Variants in USP34 observed in about 807,000 individuals in gnomAD.
The protein encoded by USP34 is ubiquitin carboxyl-terminal hydrolase 34.
In USP34, 70 loss-of-function variants were observed where a neutral mutation model predicts 460.3. The observed-to-expected ratio is 0.15, with a 90% CI of 0.13 to 0.19. The LOEUF is 0.19. USP34 is among the 10% of genes least tolerant of loss of function. The pLI, the probability that USP34 is intolerant of heterozygous loss-of-function variation, is 1.00. For synonymous variants in USP34, 1,647 were observed against 1,405.3 expected (o/e 1.17, Z -3.85); for missense variants, 3,985 against 4,236.2 (o/e 0.94, Z 1.65).
At chr2:61,276,808 G>A (rs1374698377) in intron 41 of USP34, among the ~76,000 whole-genome samples, 5 of 152,174 alleles carry the variant, frequency 3.3e-5, no homozygotes, top group African/African-American at 1.2e-4. Context: ...ATTAGGGGAA[G>A]TAGCAAAGAT....
chr2:61,243,033 A>G (rs1239050460), intron 51 of USP34, among the ~76,000 whole-genome samples: 1 of 151,914 alleles, frequency 6.6e-6, no homozygotes, highest in Non-Finnish European at 1.5e-5. Flanking sequence ...TTTAGTAGAC[A>G]TGGGGTTTCA....
chr2:61,377,695 CTATGGGA>C (rs1312452988), intron 8 of USP34, among the ~76,000 whole-genome samples: 1 of 152,164 alleles, frequency 6.6e-6, no homozygotes, highest in Non-Finnish European at 1.5e-5. Context: ...GCCTCCAGAA[CTATGGGA>C]AATAAATTTC....
In USP34 at chr2:61,295,097, G is replaced by C. The variant is rs576672545; in HGVS notation, c.4378-65C>G. The stretch of plus-strand genomic sequence containing the variant: ...GAAAGAATTATTATAGAATGGAAAA[G>C]ACAATACATTATAGAATTTTGCTCC... On this transcript the variant is annotated intron_variant, in intron 31 of 79. Transcript: ENST00000398571. 3 of 1,598,540 alleles carry C rather than the reference G, an allele frequency of 1.9e-6. No individual in the cohort carries two copies. In the African/African-American group the frequency reaches 4.1e-5, roughly 22 times the overall value.
Position 61,302,746 on chromosome 2 carries a change from T to A in USP34, c.3818-1292A>T, listed in dbSNP as rs534309284. ...AATTATGGTTTAATGTTTATACAGC[T>A]AGTACGGAAGTTCAACTTTCTATTA... On this transcript the variant is annotated intron_variant, in intron 27 of 79. Transcript: ENST00000398571. Among the ~76,000 whole-genome samples the A allele has an allele frequency of 7.9e-5, 12 of 152,362 alleles. No individual in the cohort carries two copies. The South Asian group carries it at 2.5e-3, about 32-fold the overall frequency.
intron 72 of USP34, among the ~76,000 whole-genome samples, 153 bp downstream of exon 72, chr2:61,205,864 T>C (rs562926550): frequency 1.3e-5 from 2 of 152,274 alleles, no homozygotes; most frequent in African/African-American, 4.8e-5. Context: ...GTTAAGAAAT[T>C]TTCTTTATTT....
chr2:61,235,817 T>C (rs751904001), intron 57 of USP34, 28 bp downstream of exon 57: 1 of 1,600,788 alleles, frequency 6.2e-7, no homozygotes. Flanking sequence ...TCTTAAACTA[T>C]GCATTAGTTG....
rs747443399 is a variant in USP34 at position 61,348,061 on chromosome 2, A to T, written c.2094T>A (p.Ser698=). ...RMRMLDACSH[S]EDPEHDISGE... is the part of the protein sequence containing the mutation. ...CTGAAATATCATGTTCTGGGTCTTCAGAGTGTGAACAAGCATCCAGCATTC... is the reference window on the plus strand; with the variant it reads ...CTGAAATATCATGTTCTGGGTCTTCTGAGTGTGAACAAGCATCCAGCATTC... Residue 698 remains serine (S), a synonymous_variant, in exon 15 of 80, where the codon TCT becomes TCA. Transcript: ENST00000398571. 3.7e-6 allele frequency: 6 copies of T among 1,614,076 alleles called. No homozygotes were observed. Among genetic ancestry groups the T allele is most frequent in the Non-Finnish European group, 5.1e-6 (6 of 1,180,038 alleles).
chr2:61,344,528 A>G (rs1470080392), intron 15 of USP34, among the ~76,000 whole-genome samples: 1 of 152,250 alleles, frequency 6.6e-6, no homozygotes, highest in Non-Finnish European at 1.5e-5. Context: ...ATGATTTAAA[A>G]AATCGAAAAA....
intron 41 of USP34, 86 bp downstream of exon 41, chr2:61,278,079 C>A: frequency 6.7e-7 from 1 of 1,482,606 alleles, no homozygotes; most frequent in Non-Finnish European, 9.2e-7. Flanking sequence ...CCTTTATGAG[C>A]AGTGTAAAAA....
At chr2:61,226,247 T>C (rs1210726457) in intron 62 of USP34, among the ~76,000 whole-genome samples, 3 of 152,202 alleles carry the variant, frequency 2.0e-5, no homozygotes, top group Admixed American at 6.5e-5. Context: ...AAAAGGCAAA[T>C]TGTTGCCTTG....
intron 10 of USP34, among the ~76,000 whole-genome samples, chr2:61,356,835 A>G (rs930692770): frequency 3.3e-5 from 5 of 152,216 alleles, no homozygotes; most frequent in African/African-American, 1.2e-4. Flanking sequence ...CTACACACTT[A>G]AAAATGATTA....
chr2:61,302,588 G>C (rs186628089), intron 27 of USP34, among the ~76,000 whole-genome samples: 127 of 152,186 alleles, frequency 8.3e-4, no homozygotes, highest in Non-Finnish European at 5.1e-4. Flanking sequence ...TGTTAACACA[G>C]ATACAACATT....
intron 58 of USP34, among the ~76,000 whole-genome samples, chr2:61,229,879 A>T (rs1687840633): frequency 2.0e-5 from 3 of 152,214 alleles, no homozygotes; most frequent in Admixed American, 1.3e-4. Flanking sequence ...AATACAGATG[A>T]TCAAAAACAA....
intron 3 of USP34, among the ~76,000 whole-genome samples, chr2:61,405,183 A>T (rs1262345437): frequency 7.1e-6 from 1 of 141,702 alleles, no homozygotes; most frequent in East Asian, 2.2e-4. Context: ...CAGTGAACCG[A>T]GATCACACCA....
At chr2:61,338,580 T>C (rs1558537042) in intron 18 of USP34, among the ~76,000 whole-genome samples, 1 of 152,194 alleles carries the variant, frequency 6.6e-6, no homozygotes, top group Admixed American at 6.5e-5. Context: ...GAAAACAATA[T>C]ATTAATAACT....
chr2:61,451,270 A>G (rs1412524299), intron 1 of USP34, among the ~76,000 whole-genome samples: 1 of 150,600 alleles, frequency 6.6e-6, no homozygotes, highest in Non-Finnish European at 1.5e-5. Context: ...TTCACAACCT[A>G]TTTGGTTTAA....
At chr2:61,196,717 G>A (rs1397086788) in intron 75 of USP34, among the ~76,000 whole-genome samples, 2 of 151,980 alleles carry the variant, frequency 1.3e-5, no homozygotes, top group African/African-American at 4.8e-5. Flanking sequence ...ATTTTTTGTA[G>A]AGACAGGGTT....
intron 79 of USP34, 66 bp from the exon 80 acceptor site, chr2:61,188,775 G>A (rs914832563): frequency 1.9e-6 from 3 of 1,572,370 alleles, no homozygotes; most frequent in African/African-American, 2.7e-5. Context: ...AGGGGGGGAT[G>A]TGGGAAGTTA....
At chr2:61,436,036 T>C (rs1210668039) in intron 1 of USP34, among the ~76,000 whole-genome samples, 1 of 151,588 alleles carries the variant, frequency 6.6e-6, no homozygotes, top group Non-Finnish European at 1.5e-5. Flanking sequence ...TCAAAAAATA[T>C]ATATAAAAAA....
Sources: allele counts gnomAD v4.1 joint callset (sites outside exome capture counted in the v4.1 genomes callset), GRCh38; gene constraint gnomAD v4.1.1; transcripts MANE v1.5; gene names NCBI Gene and HGNC (gene_info 2026-07-23, HGNC 2026-07-21).